NRXN1: variants seen among roughly 807,000 people sequenced by gnomAD.
NRXN1 encodes neurexin 1.
Under a neutral mutation model 150.9 loss-of-function variants are expected in NRXN1, and 39 were observed. The observed-to-expected ratio is 0.26, with a 90% CI of 0.20 to 0.34. The LOEUF (loss-of-function observed/expected upper bound fraction) is 0.34, where lower values mean the gene tolerates loss of function less well. Ranked by LOEUF, NRXN1 falls within the 10% of genes least tolerant of loss-of-function variation. NRXN1 has a pLI of 1.00. For missense variants in NRXN1, 1,815 were observed against 1,949.9 expected (o/e 0.93, Z 1.30); for synonymous variants, 924 against 757.0 (o/e 1.22, Z -3.62).
chr2:50,294,270 A>G (rs777315804), intron 17 of NRXN1, among the ~76,000 whole-genome samples: 21 of 152,194 alleles, frequency 1.4e-4, no homozygotes, highest in Non-Finnish European at 2.2e-4. Flanking sequence ...TCTGTATAGC[A>G]GTGTACATTG....
intron 5 of NRXN1, chr2:50,631,307 T>C (rs1336406960): frequency 6.8e-6 from 2 of 295,972 alleles, no homozygotes; most frequent in African/African-American, 4.7e-5. Flanking sequence ...AGAAATAAAT[T>C]GCCAAGCTTC....
intron 17 of NRXN1, among the ~76,000 whole-genome samples, chr2:50,452,748 A>G (rs1417841556): frequency 6.6e-6 from 1 of 152,200 alleles, no homozygotes; most frequent in East Asian, 1.9e-4. Context: ...GGTTCTGTTG[A>G]TTCAAGTTTT....
At chr2:50,284,523 T>C (rs1360813582) in intron 17 of NRXN1, among the ~76,000 whole-genome samples, 1 of 152,188 alleles carries the variant, frequency 6.6e-6, no homozygotes, top group Non-Finnish European at 1.5e-5. Context: ...CAACGACATA[T>C]AATCTTCATA....
chr2:50,380,851 T>G (rs10184843), intron 17 of NRXN1, among the ~76,000 whole-genome samples: 35,750 of 152,058 alleles, frequency 0.24, 4,635 homozygotes, highest in East Asian at 0.44. Flanking sequence ...TTATGCCATA[T>G]TATCATCACC....
chr2:50,983,170 T>C (rs371329705), intron 2 of NRXN1, among the ~76,000 whole-genome samples: 1 of 152,234 alleles, frequency 6.6e-6, no homozygotes, highest in East Asian at 1.9e-4. Context: ...TATTTTGGCT[T>C]CCACTTTTTG....
chr2:50,380,273 C>A (rs1187111206), intron 17 of NRXN1, among the ~76,000 whole-genome samples: 1 of 143,274 alleles, frequency 7.0e-6, no homozygotes, highest in African/African-American at 2.8e-5. Context: ...GAAATGACCA[C>A]ATATGTGTGT....
chr2:50,862,124 C>G (rs969533398), intron 5 of NRXN1, among the ~76,000 whole-genome samples: 2 of 151,528 alleles, frequency 1.3e-5, no homozygotes, highest in African/African-American at 4.8e-5. Context: ...ATTGTTTGAA[C>G]CAGGGAGGCA....
rs142670034 is a variant in NRXN1, at chr2:50,882,483, A to G, written c.832+39386T>C. 1.7e-3 allele frequency among the ~76,000 whole-genome samples: 257 copies of G among 152,028 alleles called. 1 individual carries two copies. Among genetic ancestry groups the G allele is most frequent in the Non-Finnish European group, 3.4e-3 (232 of 67,918 alleles). ...ACAGCCCAGGTGACATAGCTGGTGT[A>G]CGGCTGAGCTAGAGTTTAAACCATG... On this transcript the variant is annotated intron_variant, in intron 5 of 22. Transcript: ENST00000401669.
chr2:50,317,443 A>G (rs1330152473), intron 17 of NRXN1, among the ~76,000 whole-genome samples: 1 of 151,964 alleles, frequency 6.6e-6, no homozygotes, highest in Non-Finnish European at 1.5e-5. Flanking sequence ...CTTACAATGG[A>G]AGCTAGAGGG....
intron 22 of NRXN1, among the ~76,000 whole-genome samples, chr2:49,927,046 A>G (rs1450138429): frequency 6.6e-6 from 1 of 152,218 alleles, no homozygotes; most frequent in Non-Finnish European, 1.5e-5. Flanking sequence ...ACCCCCAGGT[A>G]AATGAAGAAG....
intron 2 of NRXN1, among the ~76,000 whole-genome samples, chr2:51,017,407 C>T (rs1244659664): frequency 6.7e-6 from 1 of 148,494 alleles, no homozygotes; most frequent in African/African-American, 2.5e-5. Flanking sequence ...ACAATAATAG[C>T]CCACTGCCTC....
chr2:50,627,208 C>T (rs1681266125), intron 5 of NRXN1, among the ~76,000 whole-genome samples: 1 of 151,806 alleles, frequency 6.6e-6, no homozygotes, highest in African/African-American at 2.4e-5. Flanking sequence ...GGGAATTTCA[C>T]ATATTACAAA....
intron 22 of NRXN1, among the ~76,000 whole-genome samples, chr2:49,937,683 G>C (rs932844573): frequency 6.6e-6 from 1 of 152,142 alleles, no homozygotes; most frequent in Admixed American, 6.5e-5. Flanking sequence ...AGATGCTCTC[G>C]ATGTTCCCTC....
intron 5 of NRXN1, among the ~76,000 whole-genome samples, chr2:50,771,234 A>T (rs1335611843): frequency 6.6e-6 from 1 of 151,886 alleles, no homozygotes; most frequent in African/African-American, 2.4e-5. Flanking sequence ...GACCTCTACC[A>T]CCCATTCCCC....
chr2:50,385,223 C>T (rs531006768), intron 17 of NRXN1, among the ~76,000 whole-genome samples: 2 of 152,234 alleles, frequency 1.3e-5, no homozygotes, highest in African/African-American at 4.8e-5. Context: ...AAATGAATCT[C>T]CATTGCAGTC....
At chr2:50,047,640 C>T (rs1692032476) in intron 21 of NRXN1, among the ~76,000 whole-genome samples, 1 of 152,042 alleles carries the variant, frequency 6.6e-6, no homozygotes, top group African/African-American at 2.4e-5. Context: ...ACTTTACGCA[C>T]ATCCATTCAA....
At chr2:50,242,123 A>C (rs1223591209) in intron 17 of NRXN1, among the ~76,000 whole-genome samples, 1 of 151,820 alleles carries the variant, frequency 6.6e-6, no homozygotes, top group Non-Finnish European at 1.5e-5. Context: ...ACAGGAATAT[A>C]ACACTTCCTT....
At chr2:50,907,109 C>G (rs1477519968) in intron 5 of NRXN1, among the ~76,000 whole-genome samples, 1 of 151,676 alleles carries the variant, frequency 6.6e-6, no homozygotes, top group Non-Finnish European at 1.5e-5. Flanking sequence ...CTCCCTTTTC[C>G]CTTGAAGACT....
intron 21 of NRXN1, among the ~76,000 whole-genome samples, chr2:49,971,548 C>A (rs1677963611): frequency 6.6e-6 from 1 of 152,054 alleles, no homozygotes; most frequent in Non-Finnish European, 1.5e-5. Flanking sequence ...CTTGATTGTG[C>A]AAAGTCAATG....
Sources: allele counts gnomAD v4.1 joint callset (sites outside exome capture counted in the v4.1 genomes callset), GRCh38; gene constraint gnomAD v4.1.1; transcripts MANE v1.5; gene names NCBI Gene and HGNC (gene_info 2026-07-23, HGNC 2026-07-21).